Variants in MAPK8IP3 observed in about 807,000 individuals in gnomAD.
The protein encoded by MAPK8IP3 is mitogen-activated protein kinase 8 interacting protein 3.
Under a neutral mutation model 157.8 loss-of-function variants are expected in MAPK8IP3, and 49 were observed. That is an observed-to-expected ratio of 0.31 (90% CI 0.25 to 0.39). The LOEUF (loss-of-function observed/expected upper bound fraction) is 0.39. Among genes scored for constraint, MAPK8IP3 ranks in the 10% least tolerant of loss-of-function variants. The pLI, the probability that MAPK8IP3 is intolerant of heterozygous loss-of-function variation, is 1.00. For synonymous variants in MAPK8IP3, 897 were observed against 777.7 expected (o/e 1.15, Z -2.55); for missense variants, 1,478 against 1,889.4 (o/e 0.78, Z 4.04).
At chr16:1,715,789 C>T (rs958059576) in intron 1 of MAPK8IP3, among the ~76,000 whole-genome samples, 4 of 151,230 alleles carry the variant, frequency 2.6e-5, no homozygotes, top group Middle Eastern at 3.2e-3. Flanking sequence ...AGTGCAATGG[C>T]GTGATCTCTA....
chr16:1,737,864 ATC>A (rs1224461149), intron 4 of MAPK8IP3, among the ~76,000 whole-genome samples: 9 of 61,032 alleles, frequency 1.5e-4, no homozygotes, highest in Admixed American at 4.9e-4. Flanking sequence ...CCATGTGAGC[ATC>A]TGTGTGACCG....
At chr16:1,734,498 C>CA (rs1265468551) in intron 4 of MAPK8IP3, among the ~76,000 whole-genome samples, 2 of 152,240 alleles carry the variant, frequency 1.3e-5, no homozygotes, top group Non-Finnish European at 2.9e-5. Context: ...CACCTGCCTG[C>CA]AGGCGTGGAT....
chr16:1,767,536 C>T, intron 26 of MAPK8IP3, 28 bp from the exon 27 acceptor site: 4 of 1,604,772 alleles, frequency 2.5e-6, no homozygotes, highest in Non-Finnish European at 3.4e-6. Flanking sequence ...CTCCCCAGCC[C>T]TGTTGATGGG....
intron 4 of MAPK8IP3, among the ~76,000 whole-genome samples, chr16:1,739,366 ATCCGTGTGACCG>A (rs1248170631): frequency 2.8e-5 from 3 of 105,802 alleles, no homozygotes; most frequent in East Asian, 3.3e-4. Flanking sequence ...CCGTGTGAGC[ATCCGTGTGACCG>A]TCCGTGTGAG....
intron 1 of MAPK8IP3, among the ~76,000 whole-genome samples, chr16:1,709,542 C>T (rs1200478060): frequency 2.6e-5 from 4 of 152,260 alleles, no homozygotes; most frequent in Non-Finnish European, 5.9e-5. Flanking sequence ...ACGGCAGGCA[C>T]CGGACATTGC....
chr16:1,734,917 CCAGG>C lies in MAPK8IP3; in HGVS notation c.602+5343_602+5346del, dbSNP rs571678395. On this transcript the variant is annotated intron_variant, in intron 4 of 31. Coordinates refer to ENST00000610761, the MANE Select transcript of MAPK8IP3 (RefSeq NM_001318852.2). ...AATGCAGTCGGTGTGAGTGCAAACG[CCAGG>C]CAGTGTTCTCGGGCCACTGCTGCAG... is the stretch of plus-strand genomic sequence containing the variant. 7.2e-3 allele frequency: 1,112 copies of C among 154,758 alleles called. 4 individuals carry two copies. The highest frequency in any genetic ancestry group is 0.012 in the South Asian group (59 of 4,922). 9.6% of individuals were successfully genotyped at this position (154,758 alleles called of 1,614,324 possible).
intron 4 of MAPK8IP3, among the ~76,000 whole-genome samples, chr16:1,740,308 G>T (rs2040590427): frequency 6.7e-6 from 1 of 149,264 alleles, no homozygotes; most frequent in Non-Finnish European, 1.5e-5. Flanking sequence ...GAGCATCCGT[G>T]TGATCATCCG....
At chr16:1,732,191 G>A (rs2039361251) in intron 4 of MAPK8IP3, among the ~76,000 whole-genome samples, 1 of 152,206 alleles carries the variant, frequency 6.6e-6, no homozygotes, top group Non-Finnish European at 1.5e-5. Flanking sequence ...CGGGGAGGAA[G>A]GGCCTGAAGT....
At chr16:1,733,844 T>C (rs933260579) in intron 4 of MAPK8IP3, among the ~76,000 whole-genome samples, 2 of 152,182 alleles carry the variant, frequency 1.3e-5, no homozygotes, top group Non-Finnish European at 2.9e-5. Flanking sequence ...GGATCTGGGG[T>C]GCTCTCTTGT....
rs760004146 is a variant in MAPK8IP3, at chr16:1,766,280, C to G, written c.2690C>G (p.Thr897Arg). 1 of 1,612,682 alleles carries G rather than the reference C, an allele frequency of 6.2e-7. No individual in the cohort carries two copies. Among genetic ancestry groups the G allele is most frequent in the East Asian group, 2.2e-5 (1 of 44,894 alleles). ...VNPSQSTEEA[T>R]EATEVPDPGP... The stretch of plus-strand genomic sequence containing the variant: ...CCGTCCCAGTCCACAGAGGAGGCCA[C>G]AGAGGCCACGGAGGTGCCAGACCCT... The change falls in exon 22 of 32, where the codon ACA (threonine) becomes AGA (arginine). Residue 897 changes from threonine to arginine, a missense_variant. Transcript: ENST00000610761.
rs895570727 is a variant in MAPK8IP3 at position 1,766,055 on chromosome 16, A to T, written c.2542A>T (p.Thr848Ser). 2 of 1,612,668 alleles carry T rather than the reference A, an allele frequency of 1.2e-6. No homozygotes were observed. Among genetic ancestry groups the T allele is most frequent in the Non-Finnish European group, 1.7e-6 (2 of 1,179,912 alleles). Residue 848 changes from threonine (T) to serine (S), a missense_variant, in exon 21 of 32, where the codon ACC (threonine) becomes TCC (serine). Physicochemically the swap from Thr to Ser is moderately conservative, Grantham distance 58. Transcript: ENST00000610761. ...CGCAGATGGCGTGCTGGCCGGTATC[A>T]CCCTGGTGGGCTGTGCCACCCGCTG... is the stretch of plus-strand genomic sequence containing the variant. ...PGADGVLAGI[T>S]LVGCATRCNV...
intron 4 of MAPK8IP3, 29 bp downstream of exon 4, chr16:1,729,607 C>T (rs1567153588): frequency 6.4e-7 from 1 of 1,561,056 alleles, no homozygotes; most frequent in South Asian, 1.2e-5. Context: ...GGTGGAGGTA[C>T]GCGGGGCGCG....
At position 1,759,989 on chromosome 16, in the gene MAPK8IP3, G is replaced by A. The variant is rs768509085; in HGVS notation, c.1278G>A (p.Leu426=). ...GMGKEVGNLL[L]ENSQLLETKN... is the part of the protein sequence containing the mutation. ...GCAAAGAAGTGGGGAATCTGCTACTGGAAAACTCACAGCTTCTGGAAACCA... is the reference window on the plus strand; with the variant it reads ...GCAAAGAAGTGGGGAATCTGCTACTAGAAAACTCACAGCTTCTGGAAACCA... The change falls in exon 11 of 32, where the codon CTG becomes CTA. Residue 426 remains leucine, a synonymous_variant. Transcript: ENST00000610761. 6.2e-7 allele frequency: 1 copy of A among 1,614,204 alleles called. No homozygotes were observed.
In MAPK8IP3 at chr16:1,769,904, T is replaced by G. The variant is rs1567220339; in HGVS notation, c.*1080T>G. 1 of 152,234 alleles carries G rather than the reference T, an allele frequency of 6.6e-6. No homozygotes were observed. Among genetic ancestry groups the G allele is most frequent in the African/African-American group, 2.4e-5 (1 of 41,388 alleles). The allele number at this position is 152,234 out of a possible 1,614,324, so 9.4% of individuals were successfully genotyped here. A position where few individuals can be genotyped will look rare whatever the true frequency, so the allele number is the denominator to read the frequency against. The stretch of plus-strand genomic sequence containing the variant: ...GAGGATGGAGCCGCCCCCAGCCGAC[T>G]CCAAGCCCGCAGAGGGCAGACGCCA... On this transcript the variant is annotated 3_prime_UTR_variant, in exon 32 of 32. Coordinates refer to ENST00000610761, the MANE Select transcript of MAPK8IP3 (RefSeq NM_001318852.2).
chr16:1,723,899 C>T (rs1596571849), intron 1 of MAPK8IP3, among the ~76,000 whole-genome samples: 1 of 152,142 alleles, frequency 6.6e-6, no homozygotes, highest in Non-Finnish European at 1.5e-5. Context: ...CTGAAACTTA[C>T]CACATAAGGT....
intron 8 of MAPK8IP3, among the ~76,000 whole-genome samples, chr16:1,754,303 A>C (rs1044788327): frequency 1.1e-4 from 16 of 152,238 alleles, no homozygotes; most frequent in Non-Finnish European, 1.9e-4. Context: ...ATATTCACTA[A>C]GGAACTTATT....
chr16:1,730,830 G>GTCC (rs2039264572), intron 4 of MAPK8IP3, among the ~76,000 whole-genome samples: 1 of 142,524 alleles, frequency 7.0e-6, no homozygotes, highest in Non-Finnish European at 1.5e-5. Context: ...GCGACAGAGT[G>GTCC]AGACTCTGTC....
At position 1,749,055 on chromosome 16, in the gene MAPK8IP3, G is replaced by A. The variant is rs183882972; in HGVS notation, c.1216+335G>A. The stretch of plus-strand genomic sequence containing the variant: ...GTTGCTGTTATGCTGTGTCGTTTAG[G>A]GAATAATGACAGGAAAAAAGTGTAC... On this transcript the variant is annotated intron_variant, in intron 8 of 31. Coordinates refer to ENST00000610761, the MANE Select transcript of MAPK8IP3 (RefSeq NM_001318852.2). 4.6e-3 allele frequency among the ~76,000 whole-genome samples: 693 copies of A among 152,276 alleles called. 16 individuals carry two copies. The highest frequency in any genetic ancestry group is 1.7e-3 in the Non-Finnish European group (117 of 68,024).
Position 1,768,770 on chromosome 16 carries a change from C to T in MAPK8IP3, c.3960C>T (p.Ser1320=), listed in dbSNP as rs1180830697. 5 of 1,612,658 alleles carry T rather than the reference C, an allele frequency of 3.1e-6. No individual in the cohort carries two copies. The highest frequency in any genetic ancestry group is 4.2e-6 in the Non-Finnish European group (5 of 1,179,864). Residue 1320 remains serine (S), a synonymous_variant, in exon 32 of 32, where the codon TCC becomes TCT. Transcript: ENST00000610761. The stretch of plus-strand genomic sequence containing the variant: ...TGAGCCAGGTGAAGCCCGTGCTGTC[C>T]AAGGCAGAGCGCAGTCACATCATCG... ...GDMSQVKPVL[S]KAERSHIIVW...
Sources: allele counts gnomAD v4.1 joint callset (sites outside exome capture counted in the v4.1 genomes callset), GRCh38; gene constraint gnomAD v4.1.1; transcripts MANE v1.5; gene names NCBI Gene and HGNC (gene_info 2026-07-23, HGNC 2026-07-21).